The following USP10 variants were observed in gnomAD, a reference collection of about 807,000 sequenced individuals.
USP10 encodes the protein ubiquitin specific peptidase 10, also known as ubiquitin carboxyl-terminal hydrolase 10.
In USP10, 22 loss-of-function variants were observed where a neutral mutation model predicts 84.5. That is an observed-to-expected ratio of 0.26 (90% CI 0.19 to 0.37). The LOEUF (loss-of-function observed/expected upper bound fraction) is 0.37, where lower values mean the gene tolerates loss of function less well. Among genes scored for constraint, USP10 ranks in the 10% least tolerant of loss-of-function variants. The pLI is 1.00. For missense variants in USP10, 1,019 were observed against 998.9 expected, an observed-to-expected ratio of 1.02 and a Z score of -0.27; for synonymous variants, 454 against 387.6, an observed-to-expected ratio of 1.17 and a Z score of -2.01.
intron 2 of USP10, among the ~76,000 whole-genome samples, chr16:84,735,713 T>A (rs1909847039): frequency 6.6e-6 from 1 of 152,096 alleles, no homozygotes; most frequent in South Asian, 2.1e-4. Context: ...CTCATGAAAA[T>A]GAGCTCAAGC....
intron 1 of USP10, among the ~76,000 whole-genome samples, chr16:84,732,755 C>CT (rs1361676363): frequency 6.6e-6 from 1 of 152,176 alleles, no homozygotes; most frequent in Non-Finnish European, 1.5e-5. Context: ...GCCTCAATGA[C>CT]TTGTTTCTTG....
At chr16:84,766,636 C>T (rs758382878) in intron 10 of USP10, among the ~76,000 whole-genome samples, 13 of 152,168 alleles carry the variant, frequency 8.5e-5, no homozygotes, top group Non-Finnish European at 1.5e-4. Context: ...GGTCAGCATA[C>T]TCAAAGATCC....
At chr16:84,775,286 G>A (rs759734784) in intron 13 of USP10, 61 bp downstream of exon 13, 3 of 1,560,716 alleles carry the variant, frequency 1.9e-6, no homozygotes, top group South Asian at 2.2e-5. Context: ...GTTTACAGCT[G>A]GGCACAGGTT....
chr16:84,759,967 T>C, intron 7 of USP10, 21 bp downstream of exon 7: 1 of 1,612,950 alleles, frequency 6.2e-7, no homozygotes, highest in East Asian at 2.2e-5. Flanking sequence ...ATGAGTTTTG[T>C]TGATGCTATT....
At chr16:84,720,223 G>T (rs1907602165) in intron 1 of USP10, among the ~76,000 whole-genome samples, 2 of 152,214 alleles carry the variant, frequency 1.3e-5, no homozygotes, top group Admixed American at 6.5e-5. Flanking sequence ...TTAAGAGGAA[G>T]CTCTGCCGTG....
intron 13 of USP10, among the ~76,000 whole-genome samples, 180 bp from the exon 14 acceptor site, chr16:84,778,715 G>C (rs1031275465): frequency 3.3e-5 from 5 of 152,226 alleles, no homozygotes; most frequent in Admixed American, 3.3e-4. Context: ...TTTTATTATG[G>C]ATTGCTTGCG....
At position 84,718,996 on chromosome 16, in the gene USP10, A is replaced by T. The variant is rs143529051; in HGVS notation, c.22-14439A>T. Among the ~76,000 whole-genome samples, 586 of 151,926 alleles carry T rather than the reference A, an allele frequency of 3.9e-3. 11 individuals are homozygous for T. Among genetic ancestry groups the T allele is most frequent in the Admixed American group, 0.028 (428 of 15,262 alleles). On this transcript the variant is annotated intron_variant, in intron 1 of 13. Transcript: ENST00000219473. ...TAGTAGAGACAGGGTTTCACTATGT[A>T]GGTCAAGCTGGTCTCGAACTCCTGA...
intron 1 of USP10, 64 bp from the exon 2 acceptor site, chr16:84,733,370 AT>A: frequency 3.1e-6 from 4 of 1,297,208 alleles, no homozygotes; most frequent in Non-Finnish European, 3.3e-6. Context: ...AATATGTAGC[AT>A]TTTTTCTGAA....
intron 4 of USP10, among the ~76,000 whole-genome samples, chr16:84,756,927 G>C (rs560642154): frequency 6.6e-6 from 1 of 152,118 alleles, no homozygotes; most frequent in East Asian, 1.9e-4. Flanking sequence ...GGAATAAAAG[G>C]GATTTTTAAG....
At chr16:84,721,013 C>T (rs530836060) in intron 1 of USP10, among the ~76,000 whole-genome samples, 1 of 151,840 alleles carries the variant, frequency 6.6e-6, no homozygotes, top group African/African-American at 2.4e-5. Context: ...CCTGCCTCAG[C>T]CTCTCGAGTA....
intron 1 of USP10, among the ~76,000 whole-genome samples, chr16:84,731,775 T>C (rs934214348): frequency 5.7e-5 from 8 of 139,234 alleles, no homozygotes; most frequent in African/African-American, 2.2e-4. Context: ...CTCTGATAGC[T>C]CTTTTTTTTT....
At position 84,745,625 on chromosome 16, in the gene USP10, G is replaced by C; in HGVS notation, c.1144G>C (p.Glu382Gln). Residue 382 changes from glutamate to glutamine, a missense_variant, in exon 4 of 14, where the codon GAA becomes CAA. Transcript: ENST00000219473. ...TTCTGAAAAGCAGGTTGAAGTCAAA[G>C]AAGGGCTTGTTCCGGTTTCAGAGGA... ...LVSEKQVEVKEGLVPVSEDPV... is the reference protein window; with the variant it reads ...LVSEKQVEVKQGLVPVSEDPV... 6.2e-7 allele frequency: 1 copy of C among 1,613,494 alleles called. No individual in the cohort carries two copies. The highest frequency in any genetic ancestry group is 1.1e-5 in the South Asian group (1 of 90,912).
At chr16:84,729,946 C>G (rs977544077) in intron 1 of USP10, among the ~76,000 whole-genome samples, 1 of 152,266 alleles carries the variant, frequency 6.6e-6, no homozygotes, top group Non-Finnish European at 1.5e-5. Context: ...TGTCAATGAG[C>G]TCTTGAAACT....
At chr16:84,702,802 G>T in intron 1 of USP10, among the ~76,000 whole-genome samples, 1 of 151,848 alleles carries the variant, frequency 6.6e-6, no homozygotes, top group Non-Finnish European at 1.5e-5. Flanking sequence ...AGATCAGCCT[G>T]ACCAATATAG....
rs972580124 is a variant in USP10, at chr16:84,745,534, C to T, written c.1053C>T (p.Pro351=). ...SWASLFHDSK[P]SSSSPVAYVE... ...CCAGCCTCTTTCATGATTCTAAGCC[C>T]TCTTCCTCCTCGCCGGTGGCCTATG... Residue 351 remains proline, a synonymous_variant, in exon 4 of 14, where the codon CCC becomes CCT. Coordinates refer to ENST00000219473, the MANE Select transcript of USP10 (RefSeq NM_005153.3). The T allele has an allele frequency of 6.2e-7, 1 of 1,613,014 alleles. No homozygotes were observed. The highest frequency in any genetic ancestry group is 1.3e-5 in the African/African-American group (1 of 74,902).
At chr16:84,734,146 A>G (rs1304843321) in intron 2 of USP10, among the ~76,000 whole-genome samples, 1 of 152,088 alleles carries the variant, frequency 6.6e-6, no homozygotes, top group Non-Finnish European at 1.5e-5. Flanking sequence ...TGGGAATGGA[A>G]TTACTGGGTT....
rs1555548056 is a variant in USP10, at chr16:84,764,939, A to AATATATATAT, written c.1832+683_1832+692dup. Among the ~76,000 whole-genome samples, 9 of 132,266 alleles carry AATATATATAT rather than the reference A, an allele frequency of 6.8e-5. No individual in the cohort carries two copies. In the South Asian group the frequency reaches 1.1e-3, roughly 16 times the overall value. 86.8% of individuals were successfully genotyped at this position (132,266 alleles called of 152,430 possible). On this transcript the variant is annotated intron_variant, in intron 10 of 13. Transcript: ENST00000219473. Reference sequence around the variant, plus strand: ...TAACCACGAGAGAGAGAGAAAAAAAAATATATATATATATATTAGACTTCA... The same window carrying AATATATATAT: ...TAACCACGAGAGAGAGAGAAAAAAAAATATATATATATATATATATATATATTAGACTTCA...
At chr16:84,748,880 C>T (rs1384582278) in intron 4 of USP10, among the ~76,000 whole-genome samples, 1 of 152,274 alleles carries the variant, frequency 6.6e-6, no homozygotes, top group East Asian at 1.9e-4. Context: ...ACACAGTCCA[C>T]GTAATTATTT....
chr16:84,725,375 ATTTTCT>A (rs921263477), intron 1 of USP10, among the ~76,000 whole-genome samples: 5 of 152,054 alleles, frequency 3.3e-5, no homozygotes, highest in Admixed American at 3.3e-4. Context: ...GTCTGATGAC[ATTTTCT>A]TTTTCTTTTT....
Sources: allele counts gnomAD v4.1 joint callset (sites outside exome capture counted in the v4.1 genomes callset), GRCh38; gene constraint gnomAD v4.1.1; transcripts MANE v1.5; gene names NCBI Gene and HGNC (gene_info 2026-07-23, HGNC 2026-07-21).